The following BRINP1 variants were observed in gnomAD, a reference collection of about 807,000 sequenced individuals.
BRINP1 encodes BMP/retinoic acid inducible neural specific 1.
BRINP1 carries 17 observed loss-of-function variants against 72.9 expected under a neutral mutation model. The observed-to-expected ratio is 0.23, with a 90% CI of 0.16 to 0.35. The LOEUF (loss-of-function observed/expected upper bound fraction) is 0.35. Ranked by LOEUF, BRINP1 falls within the 10% of genes least tolerant of loss-of-function variation. BRINP1 has a pLI of 1.00. For synonymous variants in BRINP1, 418 were observed against 378.5 expected, an observed-to-expected ratio of 1.10 and a Z score of -1.21; for missense variants, 850 against 1,001.6, an observed-to-expected ratio of 0.85 and a Z score of 2.04.
intron 2 of BRINP1, among the ~76,000 whole-genome samples, chr9:119,289,862 A>C (rs1830804436): frequency 6.6e-6 from 1 of 152,226 alleles, no homozygotes; most frequent in Admixed American, 6.5e-5. Context: ...TGAACATGAT[A>C]ATTTCTCGGA....
chr9:119,351,248 T>C (rs928719566), intron 1 of BRINP1, among the ~76,000 whole-genome samples: 1 of 152,286 alleles, frequency 6.6e-6, no homozygotes, highest in Admixed American at 6.5e-5. Flanking sequence ...TTACATTTTA[T>C]GTGAGCAGCA....
At chr9:119,268,289 T>TAGAC (rs1554752354) in intron 2 of BRINP1, among the ~76,000 whole-genome samples, 5 of 148,590 alleles carry the variant, frequency 3.4e-5, no homozygotes, top group South Asian at 4.5e-4. Flanking sequence ...GATAGATAGA[T>TAGAC]AGATAGATAG....
chr9:119,174,973 G>A (rs942085514), intron 7 of BRINP1, among the ~76,000 whole-genome samples: 2 of 149,438 alleles, frequency 1.3e-5, no homozygotes, highest in African/African-American at 2.5e-5. Flanking sequence ...GTTGTGGGGT[G>A]GGGGGAGGAG....
chr9:119,186,756 G>A lies in BRINP1; in HGVS notation c.1146-18532C>T, dbSNP rs567762312. ...GACTGAGAGGCCCTACCTCCAATGC[G>A]CAGTAAAGCCAATATTGCACTGCTA... On this transcript the variant is annotated intron_variant, in intron 7 of 7. Transcript: ENST00000265922. 5.3e-5 allele frequency among the ~76,000 whole-genome samples: 8 copies of A among 152,242 alleles called. No homozygotes were observed. The East Asian group carries it at 7.7e-4, about 15-fold the overall frequency.
At chr9:119,169,120 G>A (rs118184717) in intron 7 of BRINP1, among the ~76,000 whole-genome samples, 7,037 of 152,302 alleles carry the variant, frequency 0.046, 241 homozygotes, top group Middle Eastern at 0.071. Context: ...AAAATGTGGC[G>A]GAGGAGCCAA....
At chr9:119,344,828 T>G (rs1418853977) in intron 1 of BRINP1, among the ~76,000 whole-genome samples, 1 of 152,230 alleles carries the variant, frequency 6.6e-6, no homozygotes, top group Non-Finnish European at 1.5e-5. Flanking sequence ...TGATATCTTT[T>G]TTAACGTAGC....
At chr9:119,318,762 G>C (rs543379970) in intron 1 of BRINP1, among the ~76,000 whole-genome samples, 2 of 152,144 alleles carry the variant, frequency 1.3e-5, no homozygotes, top group South Asian at 4.2e-4. Flanking sequence ...TTAGCTGTTA[G>C]ACTGTTTGCA....
At chr9:119,294,014 C>T (rs2118975657) in intron 2 of BRINP1, among the ~76,000 whole-genome samples, 1 of 152,064 alleles carries the variant, frequency 6.6e-6, no homozygotes, top group East Asian at 1.9e-4. Context: ...ATAGAAAATC[C>T]TAAAGACTCA....
chr9:119,211,301 G>T (rs965783829), intron 6 of BRINP1, among the ~76,000 whole-genome samples: 1 of 152,096 alleles, frequency 6.6e-6, no homozygotes, highest in Non-Finnish European at 1.5e-5. Flanking sequence ...AGGTTCAAGC[G>T]ATTCTCCTGC....
At chr9:119,349,866 C>T (rs1365260732) in intron 1 of BRINP1, among the ~76,000 whole-genome samples, 1 of 152,160 alleles carries the variant, frequency 6.6e-6, no homozygotes, top group African/African-American at 2.4e-5. Flanking sequence ...AAATTATTTT[C>T]CTCTTCCTTC....
intron 2 of BRINP1, among the ~76,000 whole-genome samples, chr9:119,277,384 G>C (rs964164281): frequency 1.5e-4 from 23 of 152,322 alleles, no homozygotes; most frequent in Middle Eastern, 3.4e-3. Flanking sequence ...CATAGAAGTT[G>C]AATGTATTCC....
chr9:119,181,352 A>C (rs1378073060), intron 7 of BRINP1, among the ~76,000 whole-genome samples: 1 of 152,178 alleles, frequency 6.6e-6, no homozygotes, highest in African/African-American at 2.4e-5. Context: ...CGGTGATCAC[A>C]GGTGAGAGAG....
chr9:119,307,208 A>G (rs1427041234), intron 2 of BRINP1, among the ~76,000 whole-genome samples: 1 of 151,862 alleles, frequency 6.6e-6, no homozygotes, highest in Admixed American at 6.6e-5. Context: ...CCCAAATACA[A>G]TTGCTAAGTG....
At position 119,209,018 on chromosome 9, in the gene BRINP1, T is replaced by C. The variant is rs1210564958; in HGVS notation, c.923-77A>G. On this transcript the variant is annotated intron_variant, in intron 6 of 7. Coordinates refer to ENST00000265922, the MANE Select transcript of BRINP1 (RefSeq NM_014618.3). The stretch of plus-strand genomic sequence containing the variant: ...CTAAAGTGGCCTTGAATGCTTAGTG[T>C]CACTTTCCAATAAACCAGGCCTGCA... The C allele has an allele frequency of 4.1e-6, 5 of 1,207,366 alleles. No individual in the cohort carries two copies. The African/African-American group carries it at 6.0e-5, about 15-fold the overall frequency. The allele number at this position is 1,207,366 out of a possible 1,614,324, so 74.8% of individuals were successfully genotyped here.
At chr9:119,337,321 G>A (rs1032945287) in intron 1 of BRINP1, among the ~76,000 whole-genome samples, 3 of 152,186 alleles carry the variant, frequency 2.0e-5, no homozygotes, top group Non-Finnish European at 4.4e-5. Context: ...GTGACAAATC[G>A]TAGGCACAGG....
chr9:119,213,852 T>C, intron 6 of BRINP1, 67 bp downstream of exon 6: 1 of 1,386,388 alleles, frequency 7.2e-7, no homozygotes, highest in Non-Finnish European at 1.0e-6. Flanking sequence ...TAATTCCAGT[T>C]AGATTAGCTC....
chr9:119,341,106 T>G (rs1198595850), intron 1 of BRINP1, among the ~76,000 whole-genome samples: 93 of 152,174 alleles, frequency 6.1e-4, no homozygotes, highest in Non-Finnish European at 1.5e-4. Flanking sequence ...TCTCAACAAG[T>G]CTACTACTGT....
chr9:119,340,419 A>G (rs1056552110), intron 1 of BRINP1, among the ~76,000 whole-genome samples: 1 of 152,072 alleles, frequency 6.6e-6, no homozygotes, highest in African/African-American at 2.4e-5. Context: ...GAGGGAAAAA[A>G]AAAAGGCTGA....
chr9:119,227,374 G>A (rs1287350971), intron 5 of BRINP1, among the ~76,000 whole-genome samples: 2 of 151,982 alleles, frequency 1.3e-5, no homozygotes, highest in East Asian at 3.9e-4. Flanking sequence ...GTCTTTGATT[G>A]ATATCCTCAA....
Sources: gnomAD v4.1 joint callset for allele counts (sites outside exome capture counted in the v4.1 genomes callset) on GRCh38, gnomAD v4.1.1 for gene constraint, MANE v1.5 for transcripts, NCBI Gene and HGNC (gene_info 2026-07-23, HGNC 2026-07-21) for gene names.